PUDP: variants seen among roughly 807,000 people sequenced by gnomAD.
PUDP encodes pseudouridine 5'-phosphatase.
A neutral mutation model predicts 9.4 loss-of-function variants in PUDP; 8 were observed. That is an observed-to-expected ratio of 0.85 (90% CI 0.50 to 1.53). The LOEUF is 1.53. Among genes scored for constraint, PUDP ranks in the 40% most tolerant of loss-of-function variants. The pLI, the probability that PUDP is intolerant of heterozygous loss-of-function variation, is 0.00. For synonymous variants in PUDP, 99 were observed against 80.7 expected (o/e 1.23, Z -1.22); for missense variants, 188 against 189.7 (o/e 0.99, Z 0.05).
chrX:6,869,245 G>A (rs56272908), intron 3 of PUDP, among the ~76,000 whole-genome samples: 10,285 of 111,410 alleles, frequency 0.092, 602 homozygotes, highest in East Asian at 0.46. Context: ...AACAACTATC[G>A]TTTTCTTTGC....
At chrX:6,982,023 T>TACAC (rs59016698) in intron 1 of PUDP, among the ~76,000 whole-genome samples, 964 of 86,969 alleles carry the variant, frequency 0.011, 16 homozygotes, top group African/African-American at 0.033. Flanking sequence ...AACTTATGGA[T>TACAC]ACACACACAC....
chrX:6,937,558 G>A (rs1241490167), intron 3 of PUDP, among the ~76,000 whole-genome samples: 1 of 104,229 alleles, frequency 9.6e-6, no homozygotes, highest in Non-Finnish European at 2.0e-5. Flanking sequence ...TTACCATCCA[G>A]GACATAGGCA....
intron 3 of PUDP, among the ~76,000 whole-genome samples, chrX:7,056,134 T>G (rs1336498283): frequency 8.9e-6 from 1 of 112,503 alleles, no homozygotes; most frequent in Non-Finnish European, 1.9e-5. Context: ...GATTCGTATG[T>G]TTGCATCTGT....
chrX:6,924,722 A>T (rs1484197619), intron 3 of PUDP, among the ~76,000 whole-genome samples: 1 of 112,308 alleles, frequency 8.9e-6, no homozygotes, highest in African/African-American at 3.2e-5. Flanking sequence ...AAAGCTTTGG[A>T]ACATTTCAAA....
chrX:6,759,827 G>A (rs987187342), intron 3 of PUDP, among the ~76,000 whole-genome samples: 3 of 111,593 alleles, frequency 2.7e-5, no homozygotes, highest in Non-Finnish European at 5.6e-5. Flanking sequence ...TGTTTACAAC[G>A]ATGCTGCCAA....
chrX:6,774,293 A>G (rs1203383492), intron 3 of PUDP, among the ~76,000 whole-genome samples: 2 of 112,267 alleles, frequency 1.8e-5, no homozygotes, highest in Non-Finnish European at 3.8e-5. Context: ...TTGCCCTTCA[A>G]TTATTTCCTA....
chrX:6,920,888 CCT>C (rs953852834), intron 3 of PUDP, among the ~76,000 whole-genome samples: 1 of 111,206 alleles, frequency 9.0e-6, no homozygotes, highest in African/African-American at 3.3e-5. Flanking sequence ...GTTCACAATT[CCT>C]CTAACATTCC....
intron 1 of PUDP, among the ~76,000 whole-genome samples, chrX:7,018,554 C>T (rs1247833002): frequency 8.9e-6 from 1 of 112,131 alleles, no homozygotes; most frequent in Non-Finnish European, 1.9e-5. Flanking sequence ...TCATTGTTTA[C>T]AGATCAGGCC....
intron 1 of PUDP, among the ~76,000 whole-genome samples, chrX:6,994,106 A>G (rs1489830903): frequency 8.9e-6 from 1 of 112,455 alleles, no homozygotes; most frequent in Admixed American, 9.4e-5. Flanking sequence ...AGCAATGGAA[A>G]ACAATGAAGA....
intron 3 of PUDP, among the ~76,000 whole-genome samples, chrX:6,816,406 C>CTA (rs1394883456): frequency 9.7e-6 from 1 of 102,736 alleles, no homozygotes; most frequent in Non-Finnish European, 2.0e-5. Flanking sequence ...AGTATATGTA[C>CTA]TATACTACAC....
intron 1 of PUDP, among the ~76,000 whole-genome samples, chrX:7,034,462 A>G (rs2087443063): frequency 8.9e-6 from 1 of 112,266 alleles, no homozygotes; most frequent in South Asian, 3.7e-4. Context: ...TATTTAAAAA[A>G]GAAGAAAAAT....
chrX:7,144,621 T>C (rs1441158278), intron 1 of PUDP, among the ~76,000 whole-genome samples: 1 of 110,844 alleles, frequency 9.0e-6, no homozygotes, highest in African/African-American at 3.3e-5. Context: ...TCTCAAGTGC[T>C]ATTATTTGGC....
At chrX:7,123,511 C>T (rs778599970) in intron 1 of PUDP, among the ~76,000 whole-genome samples, 82 of 111,181 alleles carry the variant, frequency 7.4e-4, no homozygotes, top group African/African-American at 2.5e-3. Flanking sequence ...AGCAGCATGC[C>T]GCACGTAAAT....
At chrX:7,011,051 T>C (rs1004850339) in intron 1 of PUDP, among the ~76,000 whole-genome samples, 25 of 112,361 alleles carry the variant, frequency 2.2e-4, no homozygotes, top group Admixed American at 1.1e-3. Flanking sequence ...CTCGGGTTGG[T>C]AATGATTGGG....
chrX:6,992,751 C>T (rs1929202405), intron 1 of PUDP, among the ~76,000 whole-genome samples: 1 of 111,297 alleles, frequency 9.0e-6, no homozygotes, highest in Non-Finnish European at 1.9e-5. Flanking sequence ...AGTACTGTTC[C>T]TGGGTGTGTC....
chrX:6,755,815 C>T (rs749251849), intron 3 of PUDP, among the ~76,000 whole-genome samples: 1 of 109,642 alleles, frequency 9.1e-6, no homozygotes, highest in Admixed American at 9.8e-5. Context: ...GAGGAGTATG[C>T]TCAGTGAGAA....
intron 1 of PUDP, among the ~76,000 whole-genome samples, chrX:6,708,578 T>G (rs1208021918): frequency 1.8e-5 from 2 of 112,400 alleles, no homozygotes; most frequent in Non-Finnish European, 3.8e-5. Flanking sequence ...TATTTAGCAA[T>G]GACAGAAAAT....
intron 1 of PUDP, among the ~76,000 whole-genome samples, chrX:7,120,379 C>T (rs1449219728): frequency 1.8e-5 from 2 of 110,822 alleles, no homozygotes; most frequent in African/African-American, 3.3e-5. Flanking sequence ...CCAGGAATGG[C>T]GGCCACTCTA....
At chrX:7,148,029 A>T in intron 1 of PUDP, 24 bp downstream of exon 1, 1 of 1,119,174 alleles carries the variant, frequency 8.9e-7, no homozygotes, top group Non-Finnish European at 1.2e-6. Flanking sequence ...CCCTTACTGG[A>T]GGCGGCGGCT....
Sources: gnomAD v4.1 joint callset for allele counts (sites outside exome capture counted in the v4.1 genomes callset) on GRCh38, gnomAD v4.1.1 for gene constraint, MANE v1.5 for transcripts, NCBI Gene and HGNC (gene_info 2026-07-23, HGNC 2026-07-21) for gene names.